The following CBX5 variants were observed in gnomAD, a reference collection of about 807,000 sequenced individuals.
CBX5 encodes chromobox 5, also known as chromobox protein homolog 5.
In CBX5, 7 loss-of-function variants were observed where a neutral mutation model predicts 20.7. The observed-to-expected ratio is 0.34, with a 90% confidence interval of 0.19 to 0.63. The LOEUF is 0.63. Among genes scored for constraint, CBX5 ranks in the 30% least tolerant of loss-of-function variants. CBX5 has a pLI of 0.75. For missense variants in CBX5, 110 were observed against 224.1 expected (o/e 0.49, Z 3.25); for synonymous variants, 78 against 77.0 (o/e 1.01, Z -0.07).
intron 1 of CBX5, among the ~76,000 whole-genome samples, chr12:54,263,695 G>A (rs183219151): frequency 2.9e-4 from 43 of 150,442 alleles, no homozygotes; most frequent in South Asian, 2.1e-4. Context: ...AACGGGAGGC[G>A]GAGGTTGCAG....
At chr12:54,249,868 G>T (rs763766464) in intron 3 of CBX5, among the ~76,000 whole-genome samples, 2 of 151,944 alleles carry the variant, frequency 1.3e-5, no homozygotes, top group African/African-American at 2.4e-5. Context: ...AATTTTGTAC[G>T]CCAAGTATGT....
intron 1 of CBX5, 78 bp from the exon 2 acceptor site, chr12:54,257,770 G>C: frequency 9.4e-7 from 1 of 1,062,770 alleles, no homozygotes; most frequent in Non-Finnish European, 1.4e-6. Flanking sequence ...GGGATGAAAA[G>C]GGGATAACAC....
chr12:54,270,994 G>C (rs1944003812), intron 1 of CBX5, among the ~76,000 whole-genome samples: 1 of 152,212 alleles, frequency 6.6e-6, no homozygotes, highest in Non-Finnish European at 1.5e-5. Flanking sequence ...GGAGTTTCAG[G>C]CTGCAGTGAG....
At chr12:54,242,900 G>A (rs1943693162) in intron 4 of CBX5, among the ~76,000 whole-genome samples, 3 of 150,878 alleles carry the variant, frequency 2.0e-5, no homozygotes, top group Non-Finnish European at 1.5e-5. Context: ...TGAGGCAGGT[G>A]GATCGCTTGA....
rs1022889345 is a variant in CBX5 at position 54,233,047 on chromosome 12, A to G, written c.*8708T>C. 6.6e-6 allele frequency: 1 copy of G among 152,158 alleles called. No individual in the cohort carries two copies. Among genetic ancestry groups the G allele is most frequent in the Non-Finnish European group, 1.5e-5 (1 of 68,028 alleles). 9.4% of individuals were successfully genotyped at this position (152,158 alleles called of 1,614,324 possible). Reference sequence around the variant, plus strand: ...TAGCACCACAAAACACCCTCTTACTACATCACATCCCTCCCCACAATACCC... The same window carrying G: ...TAGCACCACAAAACACCCTCTTACTGCATCACATCCCTCCCCACAATACCC... On this transcript the variant is annotated 3_prime_UTR_variant, in exon 5 of 5. Transcript: ENST00000209875.
At chr12:54,258,567 T>C (rs1292434979) in intron 1 of CBX5, 7 of 152,178 alleles carry the variant, frequency 4.6e-5, no homozygotes, top group South Asian at 4.1e-4. Flanking sequence ...GAACCATTCA[T>C]AGGCCCAAGG....
chr12:54,257,250 A>C (rs1041767052), intron 2 of CBX5, among the ~76,000 whole-genome samples: 2 of 152,206 alleles, frequency 1.3e-5, no homozygotes, highest in African/African-American at 4.8e-5. Context: ...TAAGTGGTGG[A>C]GTTAGAATCT....
intron 1 of CBX5, among the ~76,000 whole-genome samples, chr12:54,264,564 C>T (rs1352884662): frequency 6.6e-6 from 1 of 152,150 alleles, no homozygotes; most frequent in Admixed American, 6.5e-5. Flanking sequence ...GAAAGCCAGC[C>T]GGGCGCAGTG....
At position 54,236,117 on chromosome 12, in the gene CBX5, G is replaced by A. The variant is rs997456057; in HGVS notation, c.*5638C>T. 6.6e-6 allele frequency: 1 copy of A among 152,186 alleles called. No individual in the cohort carries two copies. Among genetic ancestry groups the A allele is most frequent in the Admixed American group, 6.5e-5 (1 of 15,270 alleles). 9.4% of individuals were successfully genotyped at this position (152,186 alleles called of 1,614,324 possible). ...ATGTTATAGGTCTTTTCCACATATA[G>A]GCCGAAATTAATGTCAACTTCTTAC... On this transcript the variant is annotated 3_prime_UTR_variant, in exon 5 of 5. Transcript: ENST00000209875.
At chr12:54,260,711 AAAAGG>A (rs1163888846) in intron 1 of CBX5, among the ~76,000 whole-genome samples, 1 of 152,120 alleles carries the variant, frequency 6.6e-6, no homozygotes, top group Non-Finnish European at 1.5e-5. Flanking sequence ...AATACTTGAG[AAAAGG>A]AGTACTAGGA....
intron 2 of CBX5, among the ~76,000 whole-genome samples, chr12:54,254,331 CAAAAAAAA>C (rs34812446): frequency 1.8e-5 from 1 of 54,922 alleles, no homozygotes; most frequent in Non-Finnish European, 3.4e-5. Context: ...AACTCCATCT[CAAAAAAAA>C]AAAAAAAAAA....
chr12:54,244,024 CAG>C (rs1221119879), intron 4 of CBX5, among the ~76,000 whole-genome samples: 1 of 150,544 alleles, frequency 6.6e-6, no homozygotes, highest in East Asian at 2.0e-4. Flanking sequence ...TTTTTTGAGA[CAG>C]AGTCTCGCTC....
intron 2 of CBX5, among the ~76,000 whole-genome samples, chr12:54,257,099 C>T (rs1266998984): frequency 1.3e-5 from 2 of 152,118 alleles, no homozygotes; most frequent in Non-Finnish European, 2.9e-5. Context: ...CTCAGGTGAT[C>T]CACCCGCCTC....
rs767475950 is a variant in CBX5, at chr12:54,236,699, A to G, written c.*5056T>C. ...GGTGCAAAGTGGGTTTTTCCTTTAA[A>G]TTGTGAGAAACCATTTCCACATTTC... is the stretch of plus-strand genomic sequence containing the variant. On this transcript the variant is annotated 3_prime_UTR_variant, in exon 5 of 5. Transcript: ENST00000209875. 3 of 152,172 alleles carry G rather than the reference A, an allele frequency of 2.0e-5. No individual in the cohort carries two copies. The highest frequency in any genetic ancestry group is 4.4e-5 in the Non-Finnish European group (3 of 68,036). The allele number at this position is 152,172 out of a possible 1,614,324, so 9.4% of individuals were successfully genotyped here. A position where few individuals can be genotyped will look rare whatever the true frequency, so the allele number is the denominator to read the frequency against.
chr12:54,269,516 G>T (rs1351318948), intron 1 of CBX5, among the ~76,000 whole-genome samples: 1 of 151,966 alleles, frequency 6.6e-6, no homozygotes, highest in Admixed American at 6.6e-5. Context: ...AGCCTCCCGA[G>T]TAGCTGGGAC....
chr12:54,252,253 A>C lies in CBX5; in HGVS notation c.138-26T>G. 3 of 1,517,012 alleles carry C rather than the reference A, an allele frequency of 2.0e-6. No homozygotes were observed. In the South Asian group the frequency reaches 3.9e-5, roughly 20 times the overall value. The allele number at this position is 1,517,012 out of a possible 1,614,324, so 94.0% of individuals were successfully genotyped here. ...CTGGGTAAGAAAAATGGGAAAATTA[A>C]AAAAAAAAGGGGGGGGTAAAGAATG... On this transcript the variant is annotated intron_variant, in intron 2 of 4. Transcript: ENST00000209875.
chr12:54,265,071 A>G (rs930029719), intron 1 of CBX5, among the ~76,000 whole-genome samples: 16 of 152,180 alleles, frequency 1.1e-4, no homozygotes, highest in Admixed American at 8.5e-4. Flanking sequence ...TCCCTATCAC[A>G]TGGATTAATT....
At chr12:54,253,186 A>G (rs1943826055) in intron 2 of CBX5, among the ~76,000 whole-genome samples, 2 of 152,080 alleles carry the variant, frequency 1.3e-5, no homozygotes, top group Non-Finnish European at 2.9e-5. Context: ...CTGTAATCCC[A>G]GCACTTTGAG....
Position 54,258,833 on chromosome 12 carries a change from T to C in CBX5, c.-42-1141A>G, listed in dbSNP as rs558449858. Among the ~76,000 whole-genome samples, 16 of 152,260 alleles carry C rather than the reference T, an allele frequency of 1.1e-4. No homozygotes were observed. The East Asian group carries it at 2.7e-3, about 26-fold the overall frequency. On this transcript the variant is annotated intron_variant, in intron 1 of 4. Coordinates refer to ENST00000209875, the MANE Select transcript of CBX5 (RefSeq NM_012117.3). Reference sequence around the variant, plus strand: ...GATGTTTATCAGCACCCTCTAAATATTTCCACCCTGACCAGAAAACCACTG... The same window carrying C: ...GATGTTTATCAGCACCCTCTAAATACTTCCACCCTGACCAGAAAACCACTG...
Sources: allele counts gnomAD v4.1 joint callset (sites outside exome capture counted in the v4.1 genomes callset), GRCh38; gene constraint gnomAD v4.1.1; transcripts MANE v1.5; gene names NCBI Gene and HGNC (gene_info 2026-07-23, HGNC 2026-07-21).